Variants in POLR2M observed in about 807,000 individuals in gnomAD.
The protein encoded by POLR2M is protein GRINL1A.
POLR2M carries 30 observed loss-of-function variants against 34.6 expected under a neutral mutation model. That is an observed-to-expected ratio of 0.87 (90% CI 0.65 to 1.18). The LOEUF (loss-of-function observed/expected upper bound fraction) is 1.18, where lower values mean the gene tolerates loss of function less well. Ranked by LOEUF, POLR2M falls within the 50% of genes most tolerant of loss-of-function variation. The pLI is 0.00. For synonymous variants in POLR2M, 150 were observed against 166.7 expected, an observed-to-expected ratio of 0.90 and a Z score of 0.77; for missense variants, 432 against 448.7, an observed-to-expected ratio of 0.96 and a Z score of 0.34.
At chr15:57,709,828 T>G (rs1232889185) in intron 2 of POLR2M, among the ~76,000 whole-genome samples, 3 of 152,168 alleles carry the variant, frequency 2.0e-5, no homozygotes, top group Admixed American at 2.0e-4. Context: ...GTGTACAGCT[T>G]TGATTAGTGT....
Position 57,717,255 on chromosome 15 carries a change from A to G in POLR2M, c.*2576A>G, listed in dbSNP as rs1225584985. The G allele has an allele frequency of 2.0e-5, 3 of 152,352 alleles. No individual in the cohort carries two copies. Among genetic ancestry groups the G allele is most frequent in the East Asian group, 3.9e-4 (2 of 5,188 alleles). 9.4% of individuals were successfully genotyped at this position (152,352 alleles called of 1,614,324 possible). On this transcript the variant is annotated 3_prime_UTR_variant, in exon 4 of 4. Coordinates refer to ENST00000299638, the MANE Select transcript of POLR2M (RefSeq NM_015532.5). ...TTGGTGTTAATATTTGGTAGTACAC[A>G]GGTTCTCCCTTGTTCTTTTAAATTT...
chr15:57,706,759 C>A lies in POLR2M; in HGVS notation c.-84C>A. ...ACTCCCGCTCGTGCCCCGGAGTCAC[C>A]GCCGTCCGCGGATCCGGCGCTAGTA... is the stretch of plus-strand genomic sequence containing the variant. On this transcript the variant is annotated 5_prime_UTR_variant, in exon 1 of 4. Coordinates refer to ENST00000299638, the MANE Select transcript of POLR2M (RefSeq NM_015532.5). 1 of 1,475,268 alleles carries A rather than the reference C, an allele frequency of 6.8e-7. No individual in the cohort carries two copies. The highest frequency in any genetic ancestry group is 9.2e-7 in the Non-Finnish European group (1 of 1,092,394). The allele number at this position is 1,475,268 out of a possible 1,614,324, so 91.4% of individuals were successfully genotyped here.
intron 3 of POLR2M, among the ~76,000 whole-genome samples, chr15:57,713,068 A>G (rs1034766681): frequency 6.6e-6 from 1 of 151,938 alleles, no homozygotes; most frequent in Admixed American, 6.6e-5. Context: ...GGGGCATGCA[A>G]CTGTGGTTCC....
intron 3 of POLR2M, among the ~76,000 whole-genome samples, chr15:57,713,600 G>T (rs1157679343): frequency 1.3e-5 from 2 of 152,078 alleles, no homozygotes; most frequent in Admixed American, 1.3e-4. Context: ...AAGTCCTTGG[G>T]AGTTTTTAAG....
In POLR2M at chr15:57,706,923, G is replaced by A. The variant is rs748274530; in HGVS notation, c.81G>A (p.Met27Ile). The A allele has an allele frequency of 6.2e-7, 1 of 1,603,228 alleles. No homozygotes were observed. Among genetic ancestry groups the A allele is most frequent in the South Asian group, 1.1e-5 (1 of 88,912 alleles). The part of the protein sequence containing the change: ...AQRSLVELRE[M>I]LKRQERLLRN... ...GGAGTTTGGTGGAGCTGCGGGAAAT[G>A]TTGAAGCGCCAGGAGAGACTTTTGC... Residue 27 changes from methionine (M) to isoleucine (I), a missense_variant, in exon 1 of 4, where the codon ATG becomes ATA. Met to Ile is a conservative substitution (Grantham distance 10). Transcript: ENST00000299638.
Position 57,712,126 on chromosome 15 carries a change from A to C in POLR2M, c.901A>C (p.Thr301Pro), listed in dbSNP as rs1287372363. The change falls in exon 3 of 4, where the codon ACG becomes CCG. Residue 301 changes from threonine to proline, a missense_variant. Transcript: ENST00000299638. ...ARLLPLHHMP[T>P]QLLSIEESLA... ...GCTTCTACCACTTCACCATATGCCC[A>C]CGCAGCTGCTCTCCATAGAAGAATC... is the stretch of plus-strand genomic sequence containing the variant. 1.2e-6 allele frequency: 2 copies of C among 1,614,102 alleles called. No individual in the cohort carries two copies. Among genetic ancestry groups the C allele is most frequent in the African/African-American group, 2.7e-5 (2 of 74,934 alleles).
chr15:57,712,155 G>C lies in POLR2M; in HGVS notation c.930G>C (p.Leu310Phe). 6.2e-7 allele frequency: 1 copy of C among 1,614,066 alleles called. No individual in the cohort carries two copies. Among genetic ancestry groups the C allele is most frequent in the East Asian group, 2.2e-5 (1 of 44,880 alleles). The change falls in exon 3 of 4, where the codon TTG (leucine) becomes TTC (phenylalanine). Residue 310 changes from leucine to phenylalanine, a missense_variant. Physicochemically the swap from Leu to Phe is conservative, Grantham distance 22. Transcript: ENST00000299638. The stretch of plus-strand genomic sequence containing the variant: ...AGCTGCTCTCCATAGAAGAATCCTT[G>C]GCACTTCAGAAACAGCAGAAACAGA... ...PTQLLSIEESLALQKQQKQNY... is the reference protein window; with the variant it reads ...PTQLLSIEESFALQKQQKQNY...
chr15:57,707,100 C>CGGA (rs2140804199), intron 1 of POLR2M, 145 bp downstream of exon 1: 1 of 1,547,392 alleles, frequency 6.5e-7, no homozygotes, highest in Admixed American at 2.0e-5. Context: ...GGCGAGTGGA[C>CGGA]GGAGGGCTTG....
rs543154264 is a variant in POLR2M, at chr15:57,715,709, T to C, written c.*1030T>C. 1.3e-5 allele frequency: 2 copies of C among 152,378 alleles called. No individual in the cohort carries two copies. Among genetic ancestry groups the C allele is most frequent in the South Asian group, 4.1e-4 (2 of 4,834 alleles). 9.4% of individuals were successfully genotyped at this position (152,378 alleles called of 1,614,324 possible). On this transcript the variant is annotated 3_prime_UTR_variant, in exon 4 of 4. Coordinates refer to ENST00000299638, the MANE Select transcript of POLR2M (RefSeq NM_015532.5). Reference sequence around the variant, plus strand: ...ATGTCATTTTAGAGGATTATATGGTTGTCTCCAGAGAAATTAACTTACATT... The same window carrying C: ...ATGTCATTTTAGAGGATTATATGGTCGTCTCCAGAGAAATTAACTTACATT...
At chr15:57,707,029 G>T (rs372765766) in intron 1 of POLR2M, 74 bp downstream of exon 1, 1 of 1,551,636 alleles carries the variant, frequency 6.4e-7, no homozygotes, top group Non-Finnish European at 8.7e-7. Context: ...CTCCCCTCCC[G>T]CACTCTGTTC....
intron 3 of POLR2M, among the ~76,000 whole-genome samples, chr15:57,713,820 C>CCTTT (rs2040833536): frequency 1.5e-5 from 1 of 65,568 alleles, no homozygotes; most frequent in African/African-American, 6.0e-5. Flanking sequence ...ATTAGTCCTT[C>CCTTT]TTTTTTTTTT....
Position 57,706,714 on chromosome 15 carries a change from G to A in POLR2M, c.-129G>A. The A allele has an allele frequency of 9.2e-7, 1 of 1,083,622 alleles. No homozygotes were observed. The highest frequency in any genetic ancestry group is 1.3e-6 in the Non-Finnish European group (1 of 760,206). The allele number at this position is 1,083,622 out of a possible 1,614,324, so 67.1% of individuals were successfully genotyped here. A position where few individuals can be genotyped will look rare whatever the true frequency, so the allele number is the denominator to read the frequency against. The stretch of plus-strand genomic sequence containing the variant: ...CTCGATTCGGCTCGAAGAAGACCCC[G>A]TTCTTCCGGGAAAATGGCGACTCCC... On this transcript the variant is annotated 5_prime_UTR_variant, in exon 1 of 4. Transcript: ENST00000299638.
chr15:57,709,058 G>T lies in POLR2M; in HGVS notation c.458G>T (p.Gly153Val), dbSNP rs150624904. The T allele has an allele frequency of 1.3e-3, 2,159 of 1,614,050 alleles. 2 individuals are homozygous for T. Among genetic ancestry groups the T allele is most frequent in the Non-Finnish European group, 1.7e-3 (1,949 of 1,180,008 alleles). ...TSEVEYTVNK[G>V]PASSNRDRVP... ...GAGGTTGAGTACACAGTGAATAAGG[G>T]CCCAGCTTCCAGCAATAGAGACAGG... The change falls in exon 2 of 4, where the codon GGC becomes GTC. Residue 153 changes from glycine to valine, a missense_variant. Coordinates refer to ENST00000299638, the MANE Select transcript of POLR2M (RefSeq NM_015532.5).
chr15:57,709,717 T>G (rs961680123), intron 2 of POLR2M, among the ~76,000 whole-genome samples: 1 of 152,130 alleles, frequency 6.6e-6, no homozygotes. Flanking sequence ...TTAAAGCACA[T>G]GGGGGAGTGT....
At chr15:57,707,120 AGCCGT>A in intron 1 of POLR2M, 165 bp downstream of exon 1, 1 of 1,542,284 alleles carries the variant, frequency 6.5e-7, no homozygotes, top group South Asian at 1.2e-5. Context: ...GCTGCGGCAG[AGCCGT>A]GCCTCTTCCT....
intron 3 of POLR2M, among the ~76,000 whole-genome samples, chr15:57,712,757 T>A (rs1031294177): frequency 1.3e-5 from 2 of 152,256 alleles, no homozygotes; most frequent in Non-Finnish European, 2.9e-5. Flanking sequence ...CATAGCACTT[T>A]GTTTCCATGT....
chr15:57,714,122 C>T (rs1359086544), intron 3 of POLR2M, among the ~76,000 whole-genome samples: 5 of 152,086 alleles, frequency 3.3e-5, no homozygotes, highest in South Asian at 2.1e-4. Flanking sequence ...GCTGGGATTA[C>T]AGGCGTGAGC....
intron 2 of POLR2M, among the ~76,000 whole-genome samples, chr15:57,711,248 T>G (rs2040699773): frequency 6.6e-6 from 1 of 152,230 alleles, no homozygotes; most frequent in Non-Finnish European, 1.5e-5. Context: ...GTTCTTCATC[T>G]TCTGTCGAAG....
chr15:57,709,071 C>G lies in POLR2M; in HGVS notation c.471C>G (p.Ser157Arg). The change falls in exon 2 of 4, where the codon AGC becomes AGG. Residue 157 changes from serine to arginine, a missense_variant. Physicochemically the swap from Ser to Arg is moderately radical, Grantham distance 110. Transcript: ENST00000299638. ...EYTVNKGPAS[S>R]NRDRVPPSSE... ...CAGTGAATAAGGGCCCAGCTTCCAG[C>G]AATAGAGACAGGGTACCACCTTCAT... is the stretch of plus-strand genomic sequence containing the variant. The G allele has an allele frequency of 6.2e-7, 1 of 1,614,120 alleles. No individual in the cohort carries two copies. The highest frequency in any genetic ancestry group is 1.1e-5 in the South Asian group (1 of 91,050).
Sources: allele counts gnomAD v4.1 joint callset (sites outside exome capture counted in the v4.1 genomes callset), GRCh38; gene constraint gnomAD v4.1.1; transcripts MANE v1.5; gene names NCBI Gene and HGNC (gene_info 2026-07-23, HGNC 2026-07-21).